Variants in TMEM117 observed in about 807,000 individuals in gnomAD.
TMEM117 encodes the protein transmembrane protein 117.
In TMEM117, 27 loss-of-function variants were observed where a neutral mutation model predicts 52.4. That is an observed-to-expected ratio of 0.51 (90% CI 0.38 to 0.71). TMEM117 has a LOEUF of 0.71. Among genes scored for constraint, TMEM117 ranks in the 30% least tolerant of loss-of-function variants. The pLI, the probability that TMEM117 is intolerant of heterozygous loss-of-function variation, is 0.00. For missense variants in TMEM117, 556 were observed against 630.5 expected (o/e 0.88, Z 1.26); for synonymous variants, 215 against 206.3 (o/e 1.04, Z -0.36).
intron 3 of TMEM117, among the ~76,000 whole-genome samples, chr12:44,086,165 G>C (rs1224673061): frequency 2.0e-5 from 3 of 151,046 alleles, no homozygotes; most frequent in African/African-American, 7.3e-5. Flanking sequence ...ACAGGATATT[G>C]AGTATTAAAA....
chr12:44,101,166 T>TTAGGTTTCA (rs1947854158), intron 3 of TMEM117, among the ~76,000 whole-genome samples: 1 of 148,118 alleles, frequency 6.8e-6, no homozygotes, highest in Non-Finnish European at 1.5e-5. Context: ...CACCTCCTAA[T>TTAGGTTTCA]ACCACCAAAT....
chr12:44,298,614 T>C (rs1217760677), intron 5 of TMEM117, among the ~76,000 whole-genome samples: 1 of 150,704 alleles, frequency 6.6e-6, no homozygotes. Context: ...TAGTTTCAAC[T>C]AACCCTCATT....
At chr12:43,856,114 A>G (rs994887779) in intron 2 of TMEM117, among the ~76,000 whole-genome samples, 2 of 152,174 alleles carry the variant, frequency 1.3e-5, no homozygotes, top group Non-Finnish European at 2.9e-5. Context: ...AATGTCAACA[A>G]CTGATTATTT....
At chr12:44,234,857 T>A (rs10047523) in intron 5 of TMEM117, among the ~76,000 whole-genome samples, 10 of 151,314 alleles carry the variant, frequency 6.6e-5, no homozygotes, top group Non-Finnish European at 1.2e-4. Flanking sequence ...ATACTTTATA[T>A]CTCTTTATAT....
chr12:43,959,247 C>G (rs947616817), intron 3 of TMEM117, among the ~76,000 whole-genome samples: 4 of 152,216 alleles, frequency 2.6e-5, no homozygotes, highest in Non-Finnish European at 5.9e-5. Context: ...ATGCACCAAG[C>G]TGACTTAGGC....
chr12:44,309,971 C>G (rs1950953427), intron 6 of TMEM117, among the ~76,000 whole-genome samples: 1 of 152,128 alleles, frequency 6.6e-6, no homozygotes, highest in African/African-American at 2.4e-5. Flanking sequence ...CTGCATAGTT[C>G]TTAGTGGCAG....
chr12:43,848,205 G>A (rs558870847), intron 2 of TMEM117, among the ~76,000 whole-genome samples: 12 of 152,306 alleles, frequency 7.9e-5, no homozygotes, highest in African/African-American at 2.9e-4. Context: ...ATGTTCAGCA[G>A]TGCATGTATT....
chr12:44,222,968 AGT>A (rs1244946675), intron 5 of TMEM117, among the ~76,000 whole-genome samples: 12 of 143,066 alleles, frequency 8.4e-5, no homozygotes, highest in Admixed American at 7.3e-4. Flanking sequence ...TTTAATAGTA[AGT>A]GTGAACCCTG....
chr12:44,063,011 A>C (rs73091741), intron 3 of TMEM117, among the ~76,000 whole-genome samples: 6,419 of 152,234 alleles, frequency 0.042, 178 homozygotes, highest in Middle Eastern at 0.11. Flanking sequence ...CATGGGTGAA[A>C]TGATGTCATG....
At chr12:43,815,927 A>T in the TMEM117 span, among the ~76,000 whole-genome samples, 104 of 152,368 alleles carry the variant, frequency 6.8e-4, no homozygotes, top group African/African-American at 2.4e-3. Flanking sequence ...AATGTGTTGT[A>T]CTTTTCAAAT....
In TMEM117 at chr12:43,918,233, A is replaced by G. The variant is rs187500417; in HGVS notation, c.278-25977A>G. On this transcript the variant is annotated intron_variant, in intron 2 of 7. Coordinates refer to ENST00000266534, the MANE Select transcript of TMEM117 (RefSeq NM_032256.3). ...ACAGTTCTTTTTTTCTTTTCTTAAT[A>G]TAATTACTGACAGTACACTTTTTGT... Among the ~76,000 whole-genome samples, 12 of 152,288 alleles carry G rather than the reference A, an allele frequency of 7.9e-5. No homozygotes were observed. In the East Asian group the frequency reaches 1.5e-3, roughly 20 times the overall value.
At chr12:43,829,919 C>T in the TMEM117 span, among the ~76,000 whole-genome samples, 1 of 151,862 alleles carries the variant, frequency 6.6e-6, no homozygotes, top group African/African-American at 2.4e-5. Context: ...GAAACCCCGT[C>T]TCTACCAAAA....
intron 6 of TMEM117, among the ~76,000 whole-genome samples, chr12:44,344,450 T>C (rs1951457731): frequency 6.6e-6 from 1 of 152,088 alleles, no homozygotes; most frequent in South Asian, 2.1e-4. Context: ...ATGTTTTCAT[T>C]TCTGCTAGGC....
At chr12:44,264,877 TA>T (rs1222198689) in intron 5 of TMEM117, among the ~76,000 whole-genome samples, 1 of 152,158 alleles carries the variant, frequency 6.6e-6, no homozygotes, top group African/African-American at 2.4e-5. Flanking sequence ...AAGCATTCTA[TA>T]AAAATTACAT....
At chr12:44,138,956 G>A (rs979199763) in intron 3 of TMEM117, among the ~76,000 whole-genome samples, 1 of 152,154 alleles carries the variant, frequency 6.6e-6, no homozygotes, top group East Asian at 1.9e-4. Flanking sequence ...GCATTTTGTA[G>A]TGACAAATTT....
chr12:44,282,744 TG>T (rs1191102895), intron 5 of TMEM117, among the ~76,000 whole-genome samples: 1 of 152,236 alleles, frequency 6.6e-6, no homozygotes. Flanking sequence ...TCAAGCCAGC[TG>T]CAGAAATTTA....
chr12:44,370,665 G>C (rs996408893), intron 6 of TMEM117, among the ~76,000 whole-genome samples: 1 of 151,958 alleles, frequency 6.6e-6, no homozygotes, highest in Non-Finnish European at 1.5e-5. Context: ...CTACAGGCAT[G>C]AGCCACCATG....
At chr12:44,352,954 C>T (rs1455597426) in intron 6 of TMEM117, among the ~76,000 whole-genome samples, 2 of 151,980 alleles carry the variant, frequency 1.3e-5, no homozygotes, top group Non-Finnish European at 2.9e-5. Flanking sequence ...CTCTCCAGCA[C>T]CTGTTGTTTC....
At chr12:43,927,166 T>C (rs1944792537) in intron 2 of TMEM117, among the ~76,000 whole-genome samples, 1 of 152,040 alleles carries the variant, frequency 6.6e-6, no homozygotes, top group African/African-American at 2.4e-5. Context: ...TGAATTATTT[T>C]GAAATGTGTT....
Sources: gnomAD v4.1 joint callset for allele counts (sites outside exome capture counted in the v4.1 genomes callset) on GRCh38, gnomAD v4.1.1 for gene constraint, MANE v1.5 for transcripts, NCBI Gene and HGNC (gene_info 2026-07-23, HGNC 2026-07-21) for gene names.